APC: variants seen among roughly 807,000 people sequenced by gnomAD.
The protein encoded by APC is APC regulator of Wnt signaling pathway.
APC carries 72 observed loss-of-function variants against 247.0 expected under a neutral mutation model. The ratio of observed to expected loss-of-function variants is 0.29; its 90% CI spans 0.24 to 0.35. The LOEUF (loss-of-function observed/expected upper bound fraction) is 0.35, where lower values mean the gene tolerates loss of function less well. Among genes scored for constraint, APC ranks in the 10% least tolerant of loss-of-function variants. APC has a pLI of 1.00. For missense variants in APC, 3,400 were observed against 3,360.7 expected, an observed-to-expected ratio of 1.01 and a Z score of -0.29; for synonymous variants, 1,254 against 1,162.5, an observed-to-expected ratio of 1.08 and a Z score of -1.60.
At chr5:112,781,679 A>C (rs1055172441) in intron 6 of APC, among the ~76,000 whole-genome samples, 1 of 152,192 alleles carries the variant, frequency 6.6e-6, no homozygotes, top group South Asian at 2.1e-4. Context: ...CATATTAAAT[A>C]GTTTTAAAAT....
intron 1 of APC, among the ~76,000 whole-genome samples, chr5:112,711,281 TA>T (rs775998379): frequency 9.2e-5 from 14 of 152,220 alleles, no homozygotes; most frequent in Non-Finnish European, 1.0e-4. Context: ...TATGAGAATC[TA>T]ACTAATGCCT....
chr5:112,778,542 C>A (rs1249919697), intron 5 of APC: 1 of 142,488 alleles, frequency 7.0e-6, no homozygotes, highest in South Asian at 2.3e-4. Flanking sequence ...AAATATTTCA[C>A]GTAACTTATT....
chr5:112,838,142 A>G lies in APC; in HGVS notation c.2548A>G (p.Arg850Gly), dbSNP rs1176934059. ...SLDSSRSEKD[R>G]SLERERGIGL... ...AGATAGTTCTCGTTCTGAAAAAGAT[A>G]GAAGTTTGGAGAGAGAACGCGGAAT... The change falls in exon 16 of 16, where the codon AGA (arginine) becomes GGA (glycine). Residue 850 changes from arginine (R) to glycine (G), a missense_variant. Coordinates refer to ENST00000257430, the MANE Select transcript of APC (RefSeq NM_000038.6). The G allele has an allele frequency of 6.2e-7, 1 of 1,614,194 alleles. No individual in the cohort carries two copies. The highest frequency in any genetic ancestry group is 1.7e-5 in the Admixed American group (1 of 60,032).
At chr5:112,750,913 G>GT (rs748749006) in intron 1 of APC, among the ~76,000 whole-genome samples, 20 of 152,194 alleles carry the variant, frequency 1.3e-4, no homozygotes, top group Non-Finnish European at 2.9e-4. Flanking sequence ...AATAGATGCA[G>GT]TTTTTTCTTT....
chr5:112,827,081 TTTTTCCTC>T lies in APC; in HGVS notation c.1409-24_1409-17del, dbSNP rs763955923. The T allele has an allele frequency of 6.2e-7, 1 of 1,612,446 alleles. No individual in the cohort carries two copies. The highest frequency in any genetic ancestry group is 1.1e-5 in the South Asian group (1 of 90,928). The stretch of plus-strand genomic sequence containing the variant: ...GTTTGTTTTATTTTAGATGATTGTC[TTTTTCCTC>T]TTGCCCTTTTTAAATTAGGGGGACT... On this transcript the variant is annotated intron_variant, in intron 11 of 15. Coordinates refer to ENST00000257430, the MANE Select transcript of APC (RefSeq NM_000038.6).
At position 112,761,648 on chromosome 5, in the gene APC, G is replaced by A. The variant is rs528741365; in HGVS notation, c.136-4678G>A. 3.3e-5 allele frequency among the ~76,000 whole-genome samples: 5 copies of A among 152,240 alleles called. No homozygotes were observed. In the South Asian group the frequency reaches 1.0e-3, roughly 32 times the overall value. On this transcript the variant is annotated intron_variant, in intron 2 of 15. Coordinates refer to ENST00000257430, the MANE Select transcript of APC (RefSeq NM_000038.6). The stretch of plus-strand genomic sequence containing the variant: ...AAAGACAAAACAATGGCTTCTAGAA[G>A]AAAACATAGGTAATAGCTTCTTGTC...
intron 1 of APC, among the ~76,000 whole-genome samples, chr5:112,710,279 TTTC>T: frequency 6.6e-6 from 1 of 152,324 alleles, no homozygotes; most frequent in Admixed American, 6.5e-5. Flanking sequence ...TTGTGTTCCT[TTTC>T]TTCTCATTTC....
chr5:112,780,737 C>T, intron 5 of APC, 53 bp from the exon 6 acceptor site: 2 of 1,298,264 alleles, frequency 1.5e-6, no homozygotes, highest in Non-Finnish European at 1.1e-6. Context: ...TTTGCTTTTA[C>T]TGATTAACGT....
chr5:112,754,960 C>T lies in APC; in HGVS notation c.70C>T (p.Arg24Ter), dbSNP rs145945630. 26 of 1,613,748 alleles carry T rather than the reference C, an allele frequency of 1.6e-5. No individual in the cohort carries two copies. Among genetic ancestry groups the T allele is most frequent in the East Asian group, 2.2e-5 (1 of 44,820 alleles). ...ACTGAAGATGGAGAACTCAAATCTT[C>T]GACAAGAGCTAGAAGATAATTCCAA... ...EALKMENSNL[R>*]QELEDNSNHL... is the part of the protein sequence containing the mutation. The change falls in exon 2 of 16, where the codon CGA becomes TGA. Residue 24 changes from arginine (R) to a stop codon, truncating the protein, a stop_gained. Coordinates refer to ENST00000257430, the MANE Select transcript of APC (RefSeq NM_000038.6). LOFTEE classifies it high-confidence loss of function.
At chr5:112,728,468 G>C (rs1751923300) in intron 1 of APC, among the ~76,000 whole-genome samples, 1 of 152,172 alleles carries the variant, frequency 6.6e-6, no homozygotes, top group Middle Eastern at 3.2e-3. Flanking sequence ...AATTCTTCCA[G>C]TGTTGCTCAG....
At chr5:112,711,826 C>G (rs566504504) in intron 1 of APC, among the ~76,000 whole-genome samples, 6 of 152,266 alleles carry the variant, frequency 3.9e-5, no homozygotes, top group East Asian at 1.9e-4. Flanking sequence ...GGCTAAGCTC[C>G]CATTTATCTG....
chr5:112,773,451 A>G (rs1023169379), intron 4 of APC, among the ~76,000 whole-genome samples: 5 of 152,172 alleles, frequency 3.3e-5, no homozygotes, highest in Non-Finnish European at 7.3e-5. Context: ...GGATTGGCGT[A>G]CCCACCCACT....
Position 112,819,173 on chromosome 5 carries a change from G to T in APC, c.1141G>T (p.Ala381Ser), listed in dbSNP as rs1363425080. 6.2e-7 allele frequency: 1 copy of T among 1,613,994 alleles called. No homozygotes were observed. The highest frequency in any genetic ancestry group is 1.1e-5 in the South Asian group (1 of 91,078). The change falls in exon 10 of 16, where the codon GCC (alanine) becomes TCC (serine). Residue 381 changes from alanine (A) to serine (S), a missense_variant. Physicochemically the swap from Ala to Ser is moderately conservative, Grantham distance 99 (BLOSUM62 1). This residue lies in a region of APC where 199 missense variants were observed against 212.5 expected (regional missense o/e 0.94). Coordinates refer to ENST00000257430, the MANE Select transcript of APC (RefSeq NM_000038.6). ...GNSRGSKEAR[A>S]RASAALHNII... is the part of the protein sequence containing the mutation. The stretch of plus-strand genomic sequence containing the variant: ...TTCCCGGGGCAGTAAAGAGGCTCGG[G>T]CCAGGGCCAGTGCAGCACTCCACAA...
intron 8 of APC, among the ~76,000 whole-genome samples, chr5:112,814,129 A>G (rs1301187244): frequency 1.3e-5 from 2 of 152,240 alleles, no homozygotes; most frequent in Non-Finnish European, 2.9e-5. Context: ...AATAACTTAC[A>G]TTTTAGCTTT....
intron 6 of APC, among the ~76,000 whole-genome samples, chr5:112,786,237 G>A (rs1396263255): frequency 6.6e-6 from 1 of 151,192 alleles, no homozygotes; most frequent in Non-Finnish European, 1.5e-5. Flanking sequence ...CTTTAGGCGT[G>A]TACATCGCAC....
upstream of APC, among the ~76,000 whole-genome samples, chr5:112,734,405 A>G (rs1206387779): frequency 2.6e-5 from 4 of 152,224 alleles, no homozygotes; most frequent in African/African-American, 2.4e-5. Flanking sequence ...CCATCGTACC[A>G]TAACTAACTA....
chr5:112,767,679 G>A (rs371438944), intron 4 of APC, among the ~76,000 whole-genome samples: 34 of 152,184 alleles, frequency 2.2e-4, no homozygotes, highest in African/African-American at 6.7e-4. Context: ...CTCCCAGGCT[G>A]GAGTGTAGTG....
chr5:112,836,165 T>TTCCCCCCCCCCC lies in APC; in HGVS notation c.1958+1000_1958+1001insTCCCCCCCCCCC, dbSNP rs1554083526. 4.5e-3 allele frequency among the ~76,000 whole-genome samples: 109 copies of TTCCCCCCCCCCC among 24,488 alleles called. 17 individuals are homozygous for TTCCCCCCCCCCC. Among genetic ancestry groups the TTCCCCCCCCCCC allele is most frequent in the Admixed American group, 8.9e-3 (10 of 1,122 alleles). The allele number at this position is 24,488 out of a possible 152,430, so 16.1% of individuals were successfully genotyped here. A position where few individuals can be genotyped will look rare whatever the true frequency, so the allele number is the denominator to read the frequency against. On this transcript the variant is annotated intron_variant, in intron 15 of 15. Transcript: ENST00000257430. ...CCTCCCGAGTAGCTGGGATTACAGG[T>TTCCCCCCCCCCC]CCCCCCCCCCCCCCGCCACCGTGCC...
intron 4 of APC, among the ~76,000 whole-genome samples, chr5:112,768,095 T>C (rs545653256): frequency 6.8e-6 from 1 of 147,570 alleles, no homozygotes; most frequent in Admixed American, 6.8e-5. Context: ...CCAGGCTGGA[T>C]TGCAATGGCA....
Sources: gnomAD v4.1 joint callset for allele counts (sites outside exome capture counted in the v4.1 genomes callset) on GRCh38, gnomAD v4.1.1 for gene constraint, gnomAD v4.1.1 regional missense constraint, MANE v1.5 for transcripts, NCBI Gene and HGNC (gene_info 2026-07-23, HGNC 2026-07-21) for gene names.